ATF7IP: variants seen among roughly 807,000 people sequenced by gnomAD.
The protein encoded by ATF7IP is activating transcription factor 7-interacting protein 1.
In ATF7IP, 23 loss-of-function variants were observed where a neutral mutation model predicts 106.4. The observed-to-expected ratio is 0.22, with a 90% CI of 0.16 to 0.31. The LOEUF is 0.31. Ranked by LOEUF, ATF7IP falls within the 10% of genes least tolerant of loss-of-function variation. The pLI is 1.00. For missense variants in ATF7IP, 1,334 were observed against 1,524.3 expected, an observed-to-expected ratio of 0.88 and a Z score of 2.08; for synonymous variants, 542 against 539.0, an observed-to-expected ratio of 1.01 and a Z score of -0.08.
Position 14,478,342 on chromosome 12 carries a change from T to G in ATF7IP, c.2967T>G (p.Pro989=). ...SQDPKKLNHT[P]VSTMSSSQPV... ...ACCCCAAAAAACTAAATCACACTCCTGTATCAACCATGAGTTCTTCTCAGC... is the reference window on the plus strand; with the variant it reads ...ACCCCAAAAAACTAAATCACACTCCGGTATCAACCATGAGTTCTTCTCAGC... Residue 989 remains proline (P), a synonymous_variant, in exon 12 of 15, where the codon CCT becomes CCG. Coordinates refer to ENST00000261168, the MANE Select transcript of ATF7IP (RefSeq NM_018179.5). 7.4e-6 allele frequency: 12 copies of G among 1,614,038 alleles called. No homozygotes were observed. The highest frequency in any genetic ancestry group is 9.3e-6 in the Non-Finnish European group (11 of 1,179,918).
chr12:14,464,736 T>C (rs1488357502), intron 9 of ATF7IP, among the ~76,000 whole-genome samples: 2 of 152,212 alleles, frequency 1.3e-5, no homozygotes, highest in East Asian at 3.9e-4. Context: ...CAAGGAATGT[T>C]AGTTGAGAAT....
At chr12:14,422,193 A>C (rs1007885605) in intron 1 of ATF7IP, among the ~76,000 whole-genome samples, 1 of 152,166 alleles carries the variant, frequency 6.6e-6, no homozygotes, top group Non-Finnish European at 1.5e-5. Flanking sequence ...ATATTAGAGT[A>C]AATAATTAAA....
At chr12:14,410,952 CAGT>C (rs1349136215) in intron 1 of ATF7IP, among the ~76,000 whole-genome samples, 1 of 152,122 alleles carries the variant, frequency 6.6e-6, no homozygotes, top group Non-Finnish European at 1.5e-5. Context: ...GTAGCATGTA[CAGT>C]ACTTCATTCC....
At chr12:14,469,568 G>T (rs1009916729) in intron 10 of ATF7IP, among the ~76,000 whole-genome samples, 9 of 151,776 alleles carry the variant, frequency 5.9e-5, no homozygotes, top group African/African-American at 2.2e-4. Context: ...TTTATATAAT[G>T]AATTGTTTTA....
At chr12:14,381,285 G>A (rs1185445454) in intron 1 of ATF7IP, among the ~76,000 whole-genome samples, 2 of 152,180 alleles carry the variant, frequency 1.3e-5, no homozygotes, top group Admixed American at 6.5e-5. Flanking sequence ...AGGCTGGAGT[G>A]TAGTAGCTCG....
intron 1 of ATF7IP, chr12:14,419,222 A>G (rs1209955173): frequency 6.6e-6 from 1 of 152,104 alleles, no homozygotes; most frequent in Non-Finnish European, 1.5e-5. Flanking sequence ...ATGTTAGGTA[A>G]TTTGCCCAGT....
rs1314901963 is a variant in ATF7IP at position 14,424,198 on chromosome 12, C to T, written c.283C>T (p.Leu95=). 36 of 1,614,132 alleles carry T rather than the reference C, an allele frequency of 2.2e-5. No homozygotes were observed. Among genetic ancestry groups the T allele is most frequent in the Non-Finnish European group, 3.1e-5 (36 of 1,180,008 alleles). The change falls in exon 2 of 15, where the codon CTA becomes TTA. Residue 95 remains leucine, a synonymous_variant. Transcript: ENST00000261168. ...KAEWKETPCI[L]SVNVKNKQDD... ...AGAATGGAAGGAAACACCCTGTATC[C>T]TAAGTGTTAATGTAAAAAACAAGCA...
intron 1 of ATF7IP, among the ~76,000 whole-genome samples, chr12:14,387,288 G>A (rs1180090711): frequency 1.3e-5 from 2 of 151,938 alleles, no homozygotes; most frequent in East Asian, 3.9e-4. Flanking sequence ...CTTGGAGTGA[G>A]TATGACATAG....
At chr12:14,468,294 T>C (rs1043587303) in intron 10 of ATF7IP, among the ~76,000 whole-genome samples, 20 of 139,288 alleles carry the variant, frequency 1.4e-4, no homozygotes, top group Admixed American at 5.0e-4. Context: ...AAAAAAGAAA[T>C]ATAATATATG....
intron 1 of ATF7IP, among the ~76,000 whole-genome samples, chr12:14,420,661 A>T (rs1941459317): frequency 6.6e-6 from 1 of 151,970 alleles, no homozygotes; most frequent in African/African-American, 2.4e-5. Context: ...AATAGCCATC[A>T]CTCATTTAGT....
chr12:14,367,252 C>G (rs1938344441), intron 1 of ATF7IP: 1 of 152,082 alleles, frequency 6.6e-6, no homozygotes, highest in African/African-American at 2.4e-5. Context: ...TTTTTATTGC[C>G]TAAAACAAAT....
chr12:14,377,146 C>A (rs1465570178), intron 1 of ATF7IP, among the ~76,000 whole-genome samples: 2 of 151,750 alleles, frequency 1.3e-5, no homozygotes, highest in African/African-American at 4.8e-5. Flanking sequence ...AGAAATGCAC[C>A]ACCACGCCCT....
At chr12:14,441,682 G>T (rs1366708177) in intron 5 of ATF7IP, among the ~76,000 whole-genome samples, 1 of 151,704 alleles carries the variant, frequency 6.6e-6, no homozygotes, top group Admixed American at 6.6e-5. Flanking sequence ...GTAGAGATGG[G>T]GTTTCACCAT....
At chr12:14,477,211 G>A (rs1051498439) in intron 11 of ATF7IP, among the ~76,000 whole-genome samples, 7 of 152,092 alleles carry the variant, frequency 4.6e-5, no homozygotes, top group African/African-American at 1.7e-4. Context: ...ATATTTTGGG[G>A]AATCAGTCTA....
At chr12:14,489,285 G>A (rs970625212) in intron 13 of ATF7IP, among the ~76,000 whole-genome samples, 3 of 152,086 alleles carry the variant, frequency 2.0e-5, no homozygotes, top group Admixed American at 6.5e-5. Context: ...TTGGCAGTCC[G>A]GGACAGTCAC....
chr12:14,398,422 G>T (rs1591790090), intron 1 of ATF7IP, among the ~76,000 whole-genome samples: 1 of 143,052 alleles, frequency 7.0e-6, no homozygotes, highest in Non-Finnish European at 1.5e-5. Flanking sequence ...TAATTTTTCT[G>T]TCATCTTGTT....
At chr12:14,448,794 C>T (rs1203367431) in intron 6 of ATF7IP, among the ~76,000 whole-genome samples, 1 of 152,174 alleles carries the variant, frequency 6.6e-6, no homozygotes, top group African/African-American at 2.4e-5. Flanking sequence ...TTCCAGATTT[C>T]CCATAACCTC....
chr12:14,393,134 T>G (rs1939659090), intron 1 of ATF7IP, among the ~76,000 whole-genome samples: 1 of 152,208 alleles, frequency 6.6e-6, no homozygotes, highest in Non-Finnish European at 1.5e-5. Context: ...ACACTATATT[T>G]TATGTTGGAC....
At chr12:14,381,499 G>A (rs1157714031) in intron 1 of ATF7IP, among the ~76,000 whole-genome samples, 1 of 152,188 alleles carries the variant, frequency 6.6e-6, no homozygotes, top group East Asian at 1.9e-4. Context: ...CCAGAGTGTA[G>A]GGATTACAGG....
Sources: allele counts gnomAD v4.1 joint callset (sites outside exome capture counted in the v4.1 genomes callset), GRCh38; gene constraint gnomAD v4.1.1; transcripts MANE v1.5; gene names NCBI Gene and HGNC (gene_info 2026-07-23, HGNC 2026-07-21).